KALRN: variants seen among roughly 807,000 people sequenced by gnomAD.
The protein encoded by KALRN is kalirin.
A neutral mutation model predicts 353.7 loss-of-function variants in KALRN; 70 were observed. The ratio of observed to expected loss-of-function variants is 0.20; its 90% CI spans 0.16 to 0.24. KALRN has a LOEUF of 0.24. Among genes scored for constraint, KALRN ranks in the 10% least tolerant of loss-of-function variants. The pLI is 1.00. For missense variants in KALRN, 2,791 were observed against 3,756.7 expected, an observed-to-expected ratio of 0.74 and a Z score of 6.72; for synonymous variants, 1,391 against 1,434.8, an observed-to-expected ratio of 0.97 and a Z score of 0.69.
intron 34 of KALRN, chr3:124,584,979 A>C: frequency 2.4e-6 from 2 of 839,644 alleles, no homozygotes; most frequent in Admixed American, 2.4e-5. Context: ...GGAGGGTGGT[A>C]GGGAGGGAAG....
chr3:124,252,076 C>A (rs2071249237), intron 3 of KALRN, among the ~76,000 whole-genome samples: 1 of 152,156 alleles, frequency 6.6e-6, no homozygotes, highest in African/African-American at 2.4e-5. Context: ...TTGCTTCTGG[C>A]ACACTTGAGG....
chr3:124,699,999 C>T lies in KALRN; in HGVS notation c.7962C>T (p.Ser2654=), dbSNP rs2289427. 316,256 of 1,613,582 alleles carry T rather than the reference C, an allele frequency of 0.2. 32,383 individuals are homozygous for T. Among genetic ancestry groups the T allele is most frequent in the Non-Finnish European group, 0.21 (247,192 of 1,179,686 alleles). ...ASNPWGISLP[S]EPSEFVRLPE... is the part of the protein sequence containing the mutation. The stretch of plus-strand genomic sequence containing the variant: ...ACCCCTGGGGAATCAGCCTTCCCAG[C>T]GAGCCCTCGGAGTTTGTGCGACTTC... The change falls in exon 56 of 60, where the codon AGC becomes AGT. Residue 2654 remains serine (S), a synonymous_variant. Coordinates refer to ENST00000682506, the MANE Select transcript of KALRN (RefSeq NM_001388419.1).
At chr3:124,469,249 G>A (rs2060649963) in intron 25 of KALRN, among the ~76,000 whole-genome samples, 1 of 152,222 alleles carries the variant, frequency 6.6e-6, no homozygotes, top group African/African-American at 2.4e-5. Flanking sequence ...TGGAGGCTGA[G>A]AGTGTGATGT....
At chr3:124,209,274 G>T (rs972320825) in intron 1 of KALRN, among the ~76,000 whole-genome samples, 2 of 152,052 alleles carry the variant, frequency 1.3e-5, no homozygotes. Flanking sequence ...GGAGGCCAAG[G>T]TGGGCAGATT....
intron 14 of KALRN, among the ~76,000 whole-genome samples, chr3:124,422,453 T>C (rs2092822919): frequency 6.6e-6 from 1 of 152,110 alleles, no homozygotes; most frequent in African/African-American, 2.4e-5. Context: ...TTTTCCAGTA[T>C]GATTTAGAGG....
At chr3:124,584,402 G>A (rs981840250) in intron 34 of KALRN, among the ~76,000 whole-genome samples, 2 of 152,192 alleles carry the variant, frequency 1.3e-5, no homozygotes, top group African/African-American at 4.8e-5. Flanking sequence ...GCCCCATCTA[G>A]TTGTATTTTT....
intron 33 of KALRN, among the ~76,000 whole-genome samples, chr3:124,503,556 T>C (rs965901170): frequency 1.3e-5 from 2 of 152,184 alleles, no homozygotes; most frequent in Middle Eastern, 3.4e-3. Flanking sequence ...GGTAGGCAGG[T>C]GGCTGGAGGA....
At chr3:124,205,975 A>C (rs910967204) in intron 1 of KALRN, among the ~76,000 whole-genome samples, 3 of 152,216 alleles carry the variant, frequency 2.0e-5, no homozygotes, top group Admixed American at 1.3e-4. Flanking sequence ...TAAAGAAACC[A>C]TGTGTATTCT....
intron 10 of KALRN, among the ~76,000 whole-genome samples, chr3:124,355,365 T>A (rs2083273518): frequency 6.6e-6 from 1 of 152,200 alleles, no homozygotes; most frequent in Non-Finnish European, 1.5e-5. Context: ...AATATATTTT[T>A]AAAAAGATAT....
chr3:124,403,644 T>G (rs1418053898), intron 13 of KALRN, among the ~76,000 whole-genome samples: 1 of 152,154 alleles, frequency 6.6e-6, no homozygotes, highest in African/African-American at 2.4e-5. Context: ...ATAAGCTGAT[T>G]ATAACTTACT....
intron 34 of KALRN, among the ~76,000 whole-genome samples, chr3:124,592,309 C>CAAAAAAAAAAA (rs10575664): frequency 1.1e-4 from 13 of 120,646 alleles, no homozygotes; most frequent in Non-Finnish European, 1.5e-4. Flanking sequence ...CTCAAAGAAA[C>CAAAAAAAAAAA]AAAAAAAAAA....
At chr3:124,649,790 AATAG>A (rs57296265) in intron 37 of KALRN, among the ~76,000 whole-genome samples, 1,816 of 132,822 alleles carry the variant, frequency 0.014, 10 homozygotes, top group East Asian at 0.033. Flanking sequence ...CCTGTCTCAA[AATAG>A]ATAGATAGAT....
chr3:124,262,484 A>C (rs1453704143), intron 3 of KALRN, among the ~76,000 whole-genome samples: 1 of 152,216 alleles, frequency 6.6e-6, no homozygotes, highest in Non-Finnish European at 1.5e-5. Context: ...AGACAAAATT[A>C]TTTATGGAAA....
chr3:124,543,668 C>T (rs1472473870), intron 33 of KALRN, among the ~76,000 whole-genome samples: 2 of 151,618 alleles, frequency 1.3e-5, no homozygotes, highest in African/African-American at 4.9e-5. Context: ...AATGAGTTTC[C>T]ATCAGAAATC....
In KALRN at chr3:124,269,244, G is replaced by C. The variant is rs778991469; in HGVS notation, c.958G>C (p.Asp320His). Residue 320 changes from aspartate (D) to histidine (H), a missense_variant, in exon 5 of 60, where the codon GAT (aspartate) becomes CAT (histidine). By Grantham distance (81) the Asp-to-His change is moderately conservative. Transcript: ENST00000682506. Reference protein sequence around the residue: ...QCFQLRLFEQDAEKMFDWISH... With the variant: ...QCFQLRLFEQHAEKMFDWISH... ...CTTTCAGCTGCGGCTCTTCGAGCAG[G>C]ATGCTGAGAAGGTAGGAAGGGAACA... 6.3e-7 allele frequency: 1 copy of C among 1,596,728 alleles called. No individual in the cohort carries two copies. The highest frequency in any genetic ancestry group is 1.3e-5 in the African/African-American group (1 of 74,636).
intron 59 of KALRN, among the ~76,000 whole-genome samples, chr3:124,718,059 G>A (rs192370196): frequency 3.3e-4 from 50 of 151,212 alleles, no homozygotes; most frequent in African/African-American, 9.7e-4. Context: ...TGATCTGCCC[G>A]CCTTGGCCTC....
chr3:124,638,145 A>G (rs1372163492), intron 37 of KALRN, among the ~76,000 whole-genome samples: 2 of 152,102 alleles, frequency 1.3e-5, no homozygotes, highest in African/African-American at 4.8e-5. Context: ...CTTCTGCCAG[A>G]CTTCTATTGG....
At chr3:124,438,370 G>C (rs754783940) in intron 17 of KALRN, among the ~76,000 whole-genome samples, 2 of 152,020 alleles carry the variant, frequency 1.3e-5, no homozygotes, top group Non-Finnish European at 2.9e-5. Flanking sequence ...TCCTATGGTG[G>C]GATTTTTGAG....
intron 34 of KALRN, among the ~76,000 whole-genome samples, chr3:124,614,018 A>G (rs947364920): frequency 1.3e-5 from 2 of 152,206 alleles, no homozygotes; most frequent in African/African-American, 2.4e-5. Flanking sequence ...TTTGAGATCT[A>G]TAGAAGAGAC....
Sources: gnomAD v4.1 joint callset for allele counts (sites outside exome capture counted in the v4.1 genomes callset) on GRCh38, gnomAD v4.1.1 for gene constraint, MANE v1.5 for transcripts, NCBI Gene and HGNC (gene_info 2026-07-23, HGNC 2026-07-21) for gene names.